CDHR5: variants seen among roughly 807,000 people sequenced by gnomAD.
CDHR5 encodes the protein cadherin-related family member 5.
CDHR5 carries 82 observed loss-of-function variants against 69.5 expected under a neutral mutation model. The ratio of observed to expected loss-of-function variants is 1.18; its 90% CI spans 0.99 to 1.42. The LOEUF is 1.42. CDHR5 is among the 40% of genes most tolerant of loss of function. CDHR5 has a pLI of 0.00. For missense variants in CDHR5, 1,293 were observed against 1,168.9 expected, an observed-to-expected ratio of 1.11 and a Z score of -1.55; for synonymous variants, 601 against 510.2, an observed-to-expected ratio of 1.18 and a Z score of -2.40.
Position 621,603 on chromosome 11 carries a change from TGTC to T in CDHR5, c.463_465del (p.Asp155del), listed in dbSNP as rs1294394255. 1 of 1,613,554 alleles carries T rather than the reference TGTC, an allele frequency of 6.2e-7. No individual in the cohort carries two copies. Among genetic ancestry groups the T allele is most frequent in the African/African-American group, 1.3e-5 (1 of 74,762 alleles). ...AGGGTGTAGAACAGAATGTCGTCCT[TGTC>T]GCGGTCCTCAGCCTGCAGTTGCGTC... On this transcript the variant is annotated inframe_deletion, in exon 5 of 15. Coordinates refer to ENST00000397542, the MANE Select transcript of CDHR5 (RefSeq NM_021924.5). The surrounding 1 kb of genome is among the most constrained non-coding windows in gnomAD (Gnocchi z 4.4).
chr11:618,116 C>T lies in CDHR5; in HGVS notation c.1961-5G>A, dbSNP rs769539065. The T allele has an allele frequency of 1.2e-6, 2 of 1,604,620 alleles. No homozygotes were observed. The highest frequency in any genetic ancestry group is 1.7e-4 in the Middle Eastern group (1 of 6,014). On this transcript the variant is annotated splice_polypyrimidine_tract_variant and splice_region_variant and intron_variant, in intron 13 of 14. Coordinates refer to ENST00000397542, the MANE Select transcript of CDHR5 (RefSeq NM_021924.5). ...TGTCCTCCGAGGGGCCGCCACCTGG[C>T]ATCGCAGTGGAAAACGTCATCATCC...
At position 621,553 on chromosome 11, in the gene CDHR5, G is replaced by A. The variant is rs371561278; in HGVS notation, c.507+9C>T. 25 of 1,607,286 alleles carry A rather than the reference G, an allele frequency of 1.6e-5. No individual in the cohort carries two copies. The highest frequency in any genetic ancestry group is 5.5e-5 in the South Asian group (5 of 90,932). On this transcript the variant is annotated intron_variant, in intron 5 of 14. Transcript: ENST00000397542. This position sits in a 1 kb window ranked among gnomAD's most constrained non-coding sequence, Gnocchi z 4.4. ...GGGCTCGTGCTGGGGCAGGGTGGGC[G>A]GCACTGACTGCTGTCATTTCCTGGA...
In CDHR5 at chr11:619,493, G is replaced by A. The variant is rs780895140; in HGVS notation, c.1274C>T (p.Ala425Val). The A allele has an allele frequency of 2.0e-5, 33 of 1,613,012 alleles. No homozygotes were observed. The highest frequency in any genetic ancestry group is 9.9e-5 in the South Asian group (9 of 91,056). The change falls in exon 11 of 15, where the codon GCG becomes GTG. Residue 425 changes from alanine to valine, a missense_variant. Physicochemically the swap from Ala to Val is moderately conservative, Grantham distance 64. Transcript: ENST00000397542. ...CCGCACCTCTGCGTAGAAGGCTCCC[G>A]CCTGTGCCAGTGTGGTGGTGGTCAG... ...VVLTTTTLAQ[A>V]GAFYAEVEAH... is the part of the protein sequence containing the mutation.
chr11:618,604 G>C lies in CDHR5; in HGVS notation c.1955C>G (p.Ser652Cys), dbSNP rs764299670. ...QPMPLSKSTP[S>C]SGGGPSEDKR... ...GGCAACAGAGTGGGTGCTACCTGAA[G>C]ATGGGGTGCTCTTGCTGAGGGGCAT... The change falls in exon 13 of 15, where the codon TCT becomes TGT. Residue 652 changes from serine (S) to cysteine (C), a missense_variant. By Grantham distance (112) the Ser-to-Cys change is moderately radical. Coordinates refer to ENST00000397542, the MANE Select transcript of CDHR5 (RefSeq NM_021924.5). 1.2e-6 allele frequency: 2 copies of C among 1,614,028 alleles called. No homozygotes were observed. The highest frequency in any genetic ancestry group is 1.7e-6 in the Non-Finnish European group (2 of 1,180,000).
At position 617,280 on chromosome 11, in the gene CDHR5, C is replaced by A. The variant is rs1856967446; in HGVS notation, c.*71G>T. On this transcript the variant is annotated 3_prime_UTR_variant, in exon 15 of 15. Coordinates refer to ENST00000397542, the MANE Select transcript of CDHR5 (RefSeq NM_021924.5). ...GTTTCGGGAGCCTTGCTTTATTCTGCCTCGGGTCGGAGGCTGGGGGAGCGA... is the reference window on the plus strand; with the variant it reads ...GTTTCGGGAGCCTTGCTTTATTCTGACTCGGGTCGGAGGCTGGGGGAGCGA... 2.4e-6 allele frequency: 3 copies of A among 1,263,496 alleles called. No individual in the cohort carries two copies. The South Asian group carries it at 4.1e-5, about 17-fold the overall frequency. 78.3% of individuals were successfully genotyped at this position (1,263,496 alleles called of 1,614,324 possible).
chr11:620,159 C>T lies in CDHR5; in HGVS notation c.886G>A (p.Val296Met), dbSNP rs368248004. Residue 296 changes from valine to methionine, a missense_variant, in exon 9 of 15, where the codon GTG becomes ATG. Transcript: ENST00000397542. ...GGGTGGATGATGAATGTACCATTCA[C>T]GTTTCCTGGGAGGATGATGGAAGTG... Reference protein sequence around the residue: ...PIIYSIFRGNVNGTFIIHPDS... With the variant: ...PIIYSIFRGNMNGTFIIHPDS... The T allele has an allele frequency of 4.0e-5, 64 of 1,612,804 alleles. No homozygotes were observed. Among genetic ancestry groups the T allele is most frequent in the Non-Finnish European group, 5.0e-5 (59 of 1,179,260 alleles).
At chr11:620,188 AGCCCCG>A in intron 8 of CDHR5, 24 bp from the exon 9 acceptor site, 9 of 1,603,190 alleles carry the variant, frequency 5.6e-6, no homozygotes, top group Non-Finnish European at 7.7e-6. Context: ...GGAAGTGCTC[AGCCCCG>A]GCCCCCTGAG....
chr11:617,030 T>G lies in CDHR5; in HGVS notation c.*321A>C. The G allele has an allele frequency of 2.8e-6, 1 of 359,340 alleles. No individual in the cohort carries two copies. Among genetic ancestry groups the G allele is most frequent in the Non-Finnish European group, 5.1e-6 (1 of 196,444 alleles). 22.3% of individuals were successfully genotyped at this position (359,340 alleles called of 1,614,324 possible). ...GGGGAGGGGAGCCCCCCTCGGGCTG[T>G]GGTTAGAGCGGGAGAGGAACTTCCC... is the stretch of plus-strand genomic sequence containing the variant. On this transcript the variant is annotated 3_prime_UTR_variant, in exon 15 of 15. Transcript: ENST00000397542.
chr11:623,135 C>A (rs1857516827), intron 3 of CDHR5, among the ~76,000 whole-genome samples: 1 of 151,968 alleles, frequency 6.6e-6, no homozygotes, highest in Non-Finnish European at 1.5e-5. Flanking sequence ...ATGGAGAAAC[C>A]CCGTCGCTAC....
rs111335179 is a variant in CDHR5 at position 624,336 on chromosome 11, G to C, written c.262-73C>G. Reference sequence around the variant, plus strand: ...GGAGACTGAGGCCAAGTGGGCAGGCGCTGGCCCAGGGTCCCCATCATCAGT... The same window carrying C: ...GGAGACTGAGGCCAAGTGGGCAGGCCCTGGCCCAGGGTCCCCATCATCAGT... On this transcript the variant is annotated intron_variant, in intron 2 of 14. Transcript: ENST00000397542. This position sits in a 1 kb window ranked among gnomAD's most constrained non-coding sequence, Gnocchi z 5.3. 1,499 of 729,624 alleles carry C rather than the reference G, an allele frequency of 2.1e-3. 13 individuals carry two copies. The African/African-American group carries it at 0.021, about 10-fold the overall frequency. The allele number at this position is 729,624 out of a possible 1,614,324, so 45.2% of individuals were successfully genotyped here.
chr11:617,178 C>T lies in CDHR5; in HGVS notation c.*173G>A, dbSNP rs1589929901. The T allele has an allele frequency of 4.9e-6, 3 of 612,742 alleles. No individual in the cohort carries two copies. In the South Asian group the frequency reaches 6.1e-5, roughly 12 times the overall value. 38.0% of individuals were successfully genotyped at this position (612,742 alleles called of 1,614,324 possible). The stretch of plus-strand genomic sequence containing the variant: ...ACCGCCTCATCTGCACACCTGGGCT[C>T]AAGCGCTAATGACGACAGGGGACTG... On this transcript the variant is annotated 3_prime_UTR_variant, in exon 15 of 15. Coordinates refer to ENST00000397542, the MANE Select transcript of CDHR5 (RefSeq NM_021924.5).
chr11:624,123 C>A lies in CDHR5; in HGVS notation c.312+90G>T. 1.4e-6 allele frequency: 1 copy of A among 694,856 alleles called. No individual in the cohort carries two copies. Among genetic ancestry groups the A allele is most frequent in the African/African-American group, 1.7e-5 (1 of 57,202 alleles). 43.0% of individuals were successfully genotyped at this position (694,856 alleles called of 1,614,324 possible). The stretch of plus-strand genomic sequence containing the variant: ...GGTGGAATTTGAAACCACACCCTAG[C>A]TGACGTCATCAAAGACTGGTCCTGG... On this transcript the variant is annotated intron_variant, in intron 3 of 14. Transcript: ENST00000397542. The surrounding 1 kb of genome is among the most constrained non-coding windows in gnomAD (Gnocchi z 5.3).
At position 618,767 on chromosome 11, in the gene CDHR5, C is replaced by T. The variant is rs139590704; in HGVS notation, c.1792G>A (p.Gly598Ser). ...TSTSHQPATP[G>S]GGTAQTPEAG... ...TCTGGGGTCTGTGCTGTGCCCCCAC[C>T]GGGTGTGGCTGGTTGGTGGGAGGTG... The change falls in exon 13 of 15, where the codon GGT becomes AGT. Residue 598 changes from glycine (G) to serine (S), a missense_variant. Physicochemically the swap from Gly to Ser is moderately conservative, Grantham distance 56 (BLOSUM62 0). Coordinates refer to ENST00000397542, the MANE Select transcript of CDHR5 (RefSeq NM_021924.5). 78 of 1,603,730 alleles carry T rather than the reference C, an allele frequency of 4.9e-5. No homozygotes were observed. The highest frequency in any genetic ancestry group is 1.1e-4 in the African/African-American group (8 of 71,166).
In CDHR5 at chr11:619,348, C is replaced by CAA; in HGVS notation, c.1335_1336insTT (p.Val446LeufsTer66). On this transcript the variant is annotated frameshift_variant, in exon 12 of 15. Coordinates refer to ENST00000397542, the MANE Select transcript of CDHR5 (RefSeq NM_021924.5). LOFTEE classifies it high-confidence loss of function. ...TGTTCGGAAACTTGTATCTCAATGA[C>CAA]TGTGGTTGCGGTGCCAGAGGTCACC... is the stretch of plus-strand genomic sequence containing the variant. The CAA allele has an allele frequency of 6.2e-7, 1 of 1,613,704 alleles. No individual in the cohort carries two copies. Among genetic ancestry groups the CAA allele is most frequent in the Middle Eastern group, 1.7e-4 (1 of 6,060 alleles).
rs117115718 is a variant in CDHR5, at chr11:623,036, C to T, written c.313-1132G>A. The stretch of plus-strand genomic sequence containing the variant: ...AAGAAACTGGATTGTCAGCCGGGCA[C>T]GGTGGCTCACACCTGTAATCCCAGC... On this transcript the variant is annotated intron_variant, in intron 3 of 14. Transcript: ENST00000397542. 2.5e-3 allele frequency among the ~76,000 whole-genome samples: 387 copies of T among 152,040 alleles called. 4 individuals carry two copies. Among genetic ancestry groups the T allele is most frequent in the South Asian group, 0.01 (50 of 4,816 alleles).
chr11:620,523 G>A, intron 7 of CDHR5, 137 bp from the exon 8 acceptor site: 1 of 604,908 alleles, frequency 1.7e-6, no homozygotes, highest in Non-Finnish European at 3.0e-6. Context: ...GTCCCTGCCT[G>A]CCTAGGACAG....
intron 13 of CDHR5, 40 bp downstream of exon 13, chr11:618,559 G>A: frequency 2.5e-6 from 4 of 1,607,582 alleles, no homozygotes; most frequent in Non-Finnish European, 3.4e-6. Flanking sequence ...ACCAGCCAAT[G>A]ACCGGAGTCA....
chr11:618,740 C>T lies in CDHR5; in HGVS notation c.1819G>A (p.Ala607Thr). The T allele has an allele frequency of 4.7e-6, 7 of 1,489,352 alleles. No homozygotes were observed. The highest frequency in any genetic ancestry group is 1.2e-5 in the South Asian group (1 of 83,522). The allele number at this position is 1,489,352 out of a possible 1,614,324, so 92.3% of individuals were successfully genotyped here. ...PGGGTAQTPE[A>T]GTSQPMPPGM... is the part of the protein sequence containing the mutation. ...GGGGGCATCGGCTGAGAGGTTCCTG[C>T]CTCTGGGGTCTGTGCTGTGCCCCCA... The change falls in exon 13 of 15, where the codon GCA becomes ACA. Residue 607 changes from alanine to threonine, a missense_variant. Physicochemically the swap from Ala to Thr is moderately conservative, Grantham distance 58 (BLOSUM62 0). Coordinates refer to ENST00000397542, the MANE Select transcript of CDHR5 (RefSeq NM_021924.5).
chr11:617,534 C>T lies in CDHR5; in HGVS notation c.2355G>A (p.Glu785=), dbSNP rs773235186. The change falls in exon 15 of 15, where the codon GAG becomes GAA. Residue 785 remains glutamate (E), a synonymous_variant. Coordinates refer to ENST00000397542, the MANE Select transcript of CDHR5 (RefSeq NM_021924.5). ...CAAACCAGACAGCCTTGTACCCGCC[C>T]TCCGGCCGCCGCTCCTTGGTCAGGA... The part of the protein sequence containing the change: ...RSILTKERRP[E]GGYKAVWFGE... The T allele has an allele frequency of 2.5e-6, 4 of 1,612,404 alleles. No individual in the cohort carries two copies. In the South Asian group the frequency reaches 3.3e-5, roughly 13 times the overall value.
Sources: gnomAD v4.1 joint callset for allele counts (sites outside exome capture counted in the v4.1 genomes callset) on GRCh38, gnomAD v4.1.1 for gene constraint, Gnocchi (gnomAD v3.1) non-coding constraint, MANE v1.5 for transcripts, NCBI Gene and HGNC (gene_info 2026-07-23, HGNC 2026-07-21) for gene names.